XRCC6: variants seen among roughly 807,000 people sequenced by gnomAD.
XRCC6 encodes the protein DNA repair protein Ku70.
In XRCC6, 5 loss-of-function variants were observed where a neutral mutation model predicts 65.7. The ratio of observed to expected loss-of-function variants is 0.08; its 90% CI spans 0.04 to 0.16. The LOEUF is 0.16. Ranked by LOEUF, XRCC6 falls within the 10% of genes least tolerant of loss-of-function variation. The probability of loss-of-function intolerance (pLI) is 1.00; values close to 1 mark genes in which losing one functional copy is unlikely to be tolerated. For missense variants in XRCC6, 447 were observed against 738.1 expected (o/e 0.61, Z 4.57); for synonymous variants, 270 against 270.6 (o/e 1.00, Z 0.02).
At chr22:41,650,928 C>T in intron 8 of XRCC6, 37 bp downstream of exon 8, 7 of 1,611,568 alleles carry the variant, frequency 4.3e-6, no homozygotes, top group Non-Finnish European at 5.9e-6. Flanking sequence ...GACTCTAACA[C>T]ACAGTGCAGT....
intron 3 of XRCC6, 59 bp downstream of exon 3, chr22:41,628,289 C>A (rs548776650): frequency 5.7e-6 from 8 of 1,414,562 alleles, no homozygotes; most frequent in East Asian, 4.7e-5. Context: ...GGCATGGTGG[C>A]GGCTCATGCC....
chr22:41,646,074 C>T (rs1180054239), intron 6 of XRCC6, among the ~76,000 whole-genome samples: 3 of 151,446 alleles, frequency 2.0e-5, no homozygotes, highest in Admixed American at 6.6e-5. Context: ...GAGGCCAGTG[C>T]GGGTGAATCA....
intron 12 of XRCC6, among the ~76,000 whole-genome samples, chr22:41,662,578 C>T (rs933219864): frequency 2.0e-5 from 3 of 152,078 alleles, no homozygotes; most frequent in Non-Finnish European, 4.4e-5. Flanking sequence ...GATAGATATA[C>T]CAGGTTATTT....
At chr22:41,650,912 A>G (rs779334920) in intron 8 of XRCC6, 21 bp downstream of exon 8, 10 of 1,613,622 alleles carry the variant, frequency 6.2e-6, no homozygotes, top group Middle Eastern at 3.3e-4. Context: ...TGGACCATGG[A>G]TGAGTGACTC....
intron 6 of XRCC6, among the ~76,000 whole-genome samples, chr22:41,639,617 G>A (rs1376048547): frequency 6.6e-6 from 1 of 150,552 alleles, no homozygotes. Context: ...AATGTGCTGG[G>A]ATTACAGGCG....
chr22:41,638,593 G>C (rs2067837067), intron 6 of XRCC6, among the ~76,000 whole-genome samples: 1 of 152,088 alleles, frequency 6.6e-6, no homozygotes, highest in South Asian at 2.1e-4. Flanking sequence ...AGACCATCCT[G>C]GCCTACATGG....
intron 10 of XRCC6, 129 bp from the exon 11 acceptor site, chr22:41,658,123 C>G (rs2068062173): frequency 3.5e-6 from 3 of 849,338 alleles, no homozygotes; most frequent in Non-Finnish European, 3.7e-6. Flanking sequence ...TGCACCTGAC[C>G]TCAACTGTTT....
chr22:41,631,511 G>A (rs1337863480), intron 3 of XRCC6, among the ~76,000 whole-genome samples: 5 of 141,000 alleles, frequency 3.5e-5, no homozygotes, highest in African/African-American at 1.4e-4. Flanking sequence ...GGGCAGAGGC[G>A]CTCCTCACAT....
intron 12 of XRCC6, chr22:41,661,692 G>A: frequency 2.3e-6 from 1 of 430,902 alleles, no homozygotes; most frequent in Admixed American, 4.0e-5. Flanking sequence ...TCCTCAAAAA[G>A]TGAAAACTAG....
intron 3 of XRCC6, among the ~76,000 whole-genome samples, chr22:41,631,041 G>C (rs1347874533): frequency 6.6e-6 from 1 of 151,726 alleles, no homozygotes; most frequent in South Asian, 2.1e-4. Flanking sequence ...AGGGGCGGCC[G>C]GGCAGAGGCG....
At chr22:41,634,942 C>T (rs1052444493) in intron 3 of XRCC6, among the ~76,000 whole-genome samples, 3 of 152,142 alleles carry the variant, frequency 2.0e-5, no homozygotes, top group Admixed American at 1.3e-4. Flanking sequence ...ATGTCTTTAA[C>T]TGGGTAGTTA....
intron 3 of XRCC6, among the ~76,000 whole-genome samples, chr22:41,628,961 G>C (rs2067708754): frequency 1.4e-5 from 1 of 73,476 alleles, no homozygotes; most frequent in Non-Finnish European, 2.3e-5. Context: ...GTGAGACTCT[G>C]TCTCAAAAAA....
In XRCC6 at chr22:41,659,501, C is replaced by T. The variant is rs1346309420; in HGVS notation, c.1522+1149C>T. Among the ~76,000 whole-genome samples, 12 of 151,862 alleles carry T rather than the reference C, an allele frequency of 7.9e-5. No homozygotes were observed. The East Asian group carries it at 9.8e-4, about 12-fold the overall frequency. Reference sequence around the variant, plus strand: ...GATTACAAGCAGGAGGCGCTGCGCACGGCCTATTTTGTGTTTTTATTAGTG... The same window carrying T: ...GATTACAAGCAGGAGGCGCTGCGCATGGCCTATTTTGTGTTTTTATTAGTG... On this transcript the variant is annotated intron_variant, in intron 11 of 12. Coordinates refer to ENST00000360079, the MANE Select transcript of XRCC6 (RefSeq NM_001469.5).
At chr22:41,652,878 T>C (rs1192008808) in intron 8 of XRCC6, among the ~76,000 whole-genome samples, 3 of 151,618 alleles carry the variant, frequency 2.0e-5, no homozygotes, top group African/African-American at 7.3e-5. Flanking sequence ...TTTACCATAC[T>C]GGCCAGGTTG....
Position 41,624,529 on chromosome 22 carries a change from A to G in XRCC6, c.82+2443A>G, listed in dbSNP as rs370736152. Among the ~76,000 whole-genome samples the G allele has an allele frequency of 1.6e-4, 24 of 151,232 alleles. No homozygotes were observed. In the East Asian group the frequency reaches 3.1e-3, roughly 20 times the overall value. On this transcript the variant is annotated intron_variant, in intron 2 of 12. Coordinates refer to ENST00000360079, the MANE Select transcript of XRCC6 (RefSeq NM_001469.5). Reference sequence around the variant, plus strand: ...GTGAAACCCCGTCTCTACTAAAAAAATACAAAAAATTAGCCAGGCGTGGTG... The same window carrying G: ...GTGAAACCCCGTCTCTACTAAAAAAGTACAAAAAATTAGCCAGGCGTGGTG...
At chr22:41,624,872 T>C (rs1373286821) in intron 2 of XRCC6, among the ~76,000 whole-genome samples, 1,126 of 104,222 alleles carry the variant, frequency 0.011, no homozygotes, top group Middle Eastern at 0.064. Context: ...TGGCAGGCGC[T>C]TGTAGTCCCA....
At chr22:41,628,414 C>G in intron 3 of XRCC6, 184 bp downstream of exon 3, 1 of 477,822 alleles carries the variant, frequency 2.1e-6, no homozygotes, top group Admixed American at 3.8e-5. Flanking sequence ...ACAAATCATC[C>G]AGGTGTGGTG....
intron 2 of XRCC6, among the ~76,000 whole-genome samples, chr22:41,627,395 G>C (rs1287947478): frequency 6.6e-6 from 1 of 152,044 alleles, no homozygotes; most frequent in African/African-American, 2.4e-5. Flanking sequence ...TGGATCACCT[G>C]AGGCCGGGAG....
chr22:41,641,603 T>G (rs1050921169), intron 6 of XRCC6, among the ~76,000 whole-genome samples: 2 of 152,160 alleles, frequency 1.3e-5, no homozygotes, highest in African/African-American at 4.8e-5. Flanking sequence ...GCCCCATCAC[T>G]ACCCCCTTAC....
Sources: allele counts gnomAD v4.1 joint callset (sites outside exome capture counted in the v4.1 genomes callset), GRCh38; gene constraint gnomAD v4.1.1; transcripts MANE v1.5; gene names NCBI Gene and HGNC (gene_info 2026-07-23, HGNC 2026-07-21).